Variants in NKAIN2 observed in about 807,000 individuals in gnomAD.
The protein encoded by NKAIN2 is sodium/potassium-transporting ATPase subunit beta-1-interacting protein 2.
In NKAIN2, 14 loss-of-function variants were observed where a neutral mutation model predicts 32.6. The observed-to-expected ratio is 0.43, with a 90% CI of 0.28 to 0.67. The LOEUF is 0.67. Among genes scored for constraint, NKAIN2 ranks in the 30% least tolerant of loss-of-function variants. NKAIN2 has a pLI of 0.17. For synonymous variants in NKAIN2, 80 were observed against 87.2 expected (o/e 0.92, Z 0.46); for missense variants, 198 against 258.3 (o/e 0.77, Z 1.60).
chr6:123,976,070 C>T (rs1434244505), intron 1 of NKAIN2, among the ~76,000 whole-genome samples: 7 of 151,304 alleles, frequency 4.6e-5, no homozygotes, highest in Non-Finnish European at 1.0e-4. Context: ...TCTTGTCTGC[C>T]ACCATGTCCC....
chr6:124,795,883 T>A (rs1779974200), intron 5 of NKAIN2, among the ~76,000 whole-genome samples: 1 of 152,160 alleles, frequency 6.6e-6, no homozygotes, highest in Non-Finnish European at 1.5e-5. Flanking sequence ...TGATTATGTT[T>A]CAAAATATGA....
chr6:124,275,197 G>A (rs547044922), intron 1 of NKAIN2, among the ~76,000 whole-genome samples: 4 of 152,076 alleles, frequency 2.6e-5, no homozygotes, highest in African/African-American at 7.2e-5. Flanking sequence ...GTATTAGATG[G>A]CATATTTAGA....
At chr6:123,955,196 C>CAAAAAAAAA (rs5879708) in intron 1 of NKAIN2, among the ~76,000 whole-genome samples, 1 of 105,016 alleles carries the variant, frequency 9.5e-6, no homozygotes, top group Non-Finnish European at 2.1e-5. Context: ...ACAGAAAAAC[C>CAAAAAAAAA]AAAAAAAAAA....
intron 4 of NKAIN2, among the ~76,000 whole-genome samples, chr6:124,754,219 G>T (rs1471621041): frequency 6.6e-6 from 1 of 151,988 alleles, no homozygotes; most frequent in Non-Finnish European, 1.5e-5. Context: ...TGGTATTTAT[G>T]GATGTAAACA....
chr6:124,743,243 C>T (rs796302682), intron 4 of NKAIN2, among the ~76,000 whole-genome samples: 1 of 151,742 alleles, frequency 6.6e-6, no homozygotes, highest in South Asian at 2.1e-4. Flanking sequence ...GTTCCTATGT[C>T]AGAAGATTTT....
intron 3 of NKAIN2, among the ~76,000 whole-genome samples, chr6:124,428,938 C>T (rs1775092994): frequency 6.6e-6 from 1 of 152,160 alleles, no homozygotes; most frequent in Non-Finnish European, 1.5e-5. Flanking sequence ...TCTCACGGGA[C>T]ATGGCTGTAT....
At chr6:123,849,595 G>T (rs1328337514) in intron 1 of NKAIN2, among the ~76,000 whole-genome samples, 1 of 152,162 alleles carries the variant, frequency 6.6e-6, no homozygotes, top group East Asian at 1.9e-4. Context: ...CTCTGTGGGT[G>T]TAGGCAAAGC....
At chr6:124,544,399 C>T (rs1780019450) in intron 3 of NKAIN2, among the ~76,000 whole-genome samples, 1 of 135,790 alleles carries the variant, frequency 7.4e-6, no homozygotes, top group African/African-American at 2.8e-5. Flanking sequence ...TGGCCTTCAG[C>T]TCTCCACCTT....
At chr6:124,049,910 CAG>C (rs1782327051) in intron 1 of NKAIN2, among the ~76,000 whole-genome samples, 1 of 151,952 alleles carries the variant, frequency 6.6e-6, no homozygotes, top group African/African-American at 2.4e-5. Context: ...AAAGACAAGT[CAG>C]AAAGTGTTTC....
At chr6:123,899,195 GACT>G (rs1283490985) in intron 1 of NKAIN2, among the ~76,000 whole-genome samples, 11 of 152,230 alleles carry the variant, frequency 7.2e-5, no homozygotes, top group Admixed American at 7.2e-4. Flanking sequence ...CAAGATCCAT[GACT>G]ACTGAGTTGT....
At chr6:124,015,691 T>C (rs1328403567) in intron 1 of NKAIN2, among the ~76,000 whole-genome samples, 2 of 152,282 alleles carry the variant, frequency 1.3e-5, no homozygotes, top group South Asian at 2.1e-4. Context: ...TTAGTACTTA[T>C]AACATCTCCT....
At chr6:124,147,112 A>G (rs540714570) in intron 1 of NKAIN2, among the ~76,000 whole-genome samples, 2 of 152,332 alleles carry the variant, frequency 1.3e-5, no homozygotes, top group East Asian at 1.9e-4. Context: ...TGATTTTAGT[A>G]CATGTGCACT....
intron 1 of NKAIN2, among the ~76,000 whole-genome samples, chr6:123,994,677 A>G (rs573616384): frequency 6.6e-6 from 1 of 152,192 alleles, no homozygotes; most frequent in South Asian, 2.1e-4. Flanking sequence ...TCTTCCTCAT[A>G]GTATCTGCCT....
intron 1 of NKAIN2, among the ~76,000 whole-genome samples, chr6:124,099,372 AT>A (rs957733114): frequency 6.6e-6 from 1 of 152,210 alleles, no homozygotes; most frequent in Non-Finnish European, 1.5e-5. Context: ...TGTAATTTGA[AT>A]TTAGGTTGCC....
chr6:124,528,102 T>A (rs140488668), intron 3 of NKAIN2, among the ~76,000 whole-genome samples: 31 of 152,264 alleles, frequency 2.0e-4, no homozygotes, highest in African/African-American at 7.2e-4. Context: ...CAATGTGAGA[T>A]TCACTTGGAG....
intron 1 of NKAIN2, among the ~76,000 whole-genome samples, chr6:124,028,417 G>A (rs57254754): frequency 0.049 from 7,291 of 148,616 alleles, 666 homozygotes; most frequent in African/African-American, 0.17. Context: ...GGGAGGGATA[G>A]CATTAGGAGA....
intron 1 of NKAIN2, among the ~76,000 whole-genome samples, chr6:123,918,538 A>G (rs1297921669): frequency 6.6e-6 from 1 of 152,140 alleles, no homozygotes; most frequent in Non-Finnish European, 1.5e-5. Context: ...TGTGTTGGTT[A>G]ATTTTATGTG....
intron 1 of NKAIN2, among the ~76,000 whole-genome samples, chr6:123,832,068 C>T (rs1774410512): frequency 6.6e-6 from 1 of 152,074 alleles, no homozygotes. Flanking sequence ...GGCCAGTATC[C>T]ATCATTATAG....
chr6:124,373,510 T>C (rs778278420), intron 3 of NKAIN2, among the ~76,000 whole-genome samples: 3 of 152,184 alleles, frequency 2.0e-5, no homozygotes, highest in South Asian at 4.1e-4. Context: ...AGTATGTAAA[T>C]AGAGATTAAA....
Sources: gnomAD v4.1 joint callset for allele counts (sites outside exome capture counted in the v4.1 genomes callset) on GRCh38, gnomAD v4.1.1 for gene constraint, MANE v1.5 for transcripts, NCBI Gene and HGNC (gene_info 2026-07-23, HGNC 2026-07-21) for gene names.